SMIM31: variants seen among roughly 807,000 people sequenced by gnomAD.
SMIM31 encodes human epithelial cell program regulator.
chr4:164,794,152 G>A (rs1733144784), intron 2 of SMIM31, among the ~76,000 whole-genome samples: 1 of 152,218 alleles, frequency 6.6e-6, no homozygotes, highest in East Asian at 1.9e-4. Context: ...CAAGGCAGGT[G>A]GATCATTTGA....
intron 2 of SMIM31, among the ~76,000 whole-genome samples, chr4:164,792,464 T>C (rs1733114747): frequency 6.6e-6 from 1 of 152,158 alleles, no homozygotes; most frequent in Non-Finnish European, 1.5e-5. Context: ...TTAATTAAGG[T>C]TTTCTACATG....
rs866056138 is a variant in SMIM31 at position 164,762,680 on chromosome 4, A to G, written c.-25-7739A>G. 4.9e-3 allele frequency among the ~76,000 whole-genome samples: 721 copies of G among 148,502 alleles called. 5 individuals carry two copies. In the Middle Eastern group the frequency reaches 0.054, roughly 11 times the overall value. ...TCTGTCTCAAAAAAAAAAAAAAAAAAAAAGAAAAAGAAAAAGAAAAAGAAA... is the reference window on the plus strand; with the variant it reads ...TCTGTCTCAAAAAAAAAAAAAAAAAGAAAGAAAAAGAAAAAGAAAAAGAAA... On this transcript the variant is annotated intron_variant, in intron 1 of 2. Coordinates refer to ENST00000507311, the MANE Select transcript of SMIM31 (RefSeq NM_001352885.1).
intron 2 of SMIM31, among the ~76,000 whole-genome samples, chr4:164,779,004 A>C (rs1331482085): frequency 6.6e-6 from 1 of 152,166 alleles, no homozygotes; most frequent in Non-Finnish European, 1.5e-5. Flanking sequence ...GAAAAAAAAA[A>C]AAAACTCCAG....
intron 1 of SMIM31, among the ~76,000 whole-genome samples, chr4:164,764,585 A>T (rs1732695656): frequency 6.6e-6 from 1 of 151,906 alleles, no homozygotes; most frequent in African/African-American, 2.4e-5. Context: ...AAAAGAAAAA[A>T]ATAGAAAAAA....
rs969609142 is a variant in SMIM31 at position 164,801,312 on chromosome 4, T to G, written c.*118T>G. 1.0e-5 allele frequency: 4 copies of G among 395,154 alleles called. No individual in the cohort carries two copies. Among genetic ancestry groups the G allele is most frequent in the Non-Finnish European group, 1.8e-5 (4 of 224,384 alleles). The allele number at this position is 395,154 out of a possible 1,614,324, so 24.5% of individuals were successfully genotyped here. A position where few individuals can be genotyped will look rare whatever the true frequency, so the allele number is the denominator to read the frequency against. On this transcript the variant is annotated 3_prime_UTR_variant, in exon 3 of 3. Coordinates refer to ENST00000507311, the MANE Select transcript of SMIM31 (RefSeq NM_001352885.1). The stretch of plus-strand genomic sequence containing the variant: ...AAGAAAGTTAAAATCACTTACTGAT[T>G]AAACACGATGATAATAACCATTAAT...
intron 2 of SMIM31, among the ~76,000 whole-genome samples, chr4:164,783,232 A>AAAAAAAAAAAAAC (rs147369524): frequency 7.9e-6 from 1 of 127,226 alleles, no homozygotes; most frequent in Non-Finnish European, 1.6e-5. Context: ...AAAAAAAAAA[A>AAAAAAAAAAAAAC]GGAATTTCTG....
chr4:164,791,293 G>T (rs764027577), intron 2 of SMIM31, among the ~76,000 whole-genome samples: 2 of 152,120 alleles, frequency 1.3e-5, no homozygotes, highest in African/African-American at 4.8e-5. Context: ...AAGACATGAT[G>T]TATCACTGTT....
intron 2 of SMIM31, among the ~76,000 whole-genome samples, chr4:164,787,722 A>C (rs1351864923): frequency 6.6e-6 from 1 of 152,132 alleles, no homozygotes; most frequent in Non-Finnish European, 1.5e-5. Flanking sequence ...TTTGAAAAAA[A>C]TGTGTTTTAT....
At position 164,760,600 on chromosome 4, in the gene SMIM31, TGTG is replaced by T. The variant is rs1203092959; in HGVS notation, c.-26+6197_-26+6199del. Among the ~76,000 whole-genome samples the T allele has an allele frequency of 4.4e-4, 65 of 147,992 alleles. 1 individual carries two copies. Among genetic ancestry groups the T allele is most frequent in the African/African-American group, 1.6e-3 (63 of 40,324 alleles). On this transcript the variant is annotated intron_variant, in intron 1 of 2. Transcript: ENST00000507311. ...AAAAAAAATACAAACATGAGCCAGG[TGTG>T]GTGGTGGGCGCCTGTAATCCTAGCT...
At chr4:164,760,846 T>A (rs1732640039) in intron 1 of SMIM31, among the ~76,000 whole-genome samples, 1 of 151,682 alleles carries the variant, frequency 6.6e-6, no homozygotes, top group Non-Finnish European at 1.5e-5. Context: ...GAGGATTTTA[T>A]CCTGAACAAC....
intron 2 of SMIM31, among the ~76,000 whole-genome samples, chr4:164,792,915 A>T (rs1733122215): frequency 1.3e-5 from 2 of 152,184 alleles, no homozygotes; most frequent in East Asian, 3.8e-4. Flanking sequence ...TGGCATAAAA[A>T]CAGAAAAAAA....
chr4:164,773,674 A>G (rs1732842762), intron 2 of SMIM31, among the ~76,000 whole-genome samples: 1 of 152,146 alleles, frequency 6.6e-6, no homozygotes, highest in East Asian at 1.9e-4. Flanking sequence ...TCAAGATGAG[A>G]TTTGGGTGGA....
intron 2 of SMIM31, among the ~76,000 whole-genome samples, chr4:164,788,028 C>G (rs1012755875): frequency 5.3e-5 from 8 of 152,156 alleles, no homozygotes; most frequent in Admixed American, 2.6e-4. Flanking sequence ...AGATTCTCCC[C>G]ACCATCCTCA....
chr4:164,795,558 C>CAA (rs60083689), intron 2 of SMIM31, among the ~76,000 whole-genome samples: 5 of 77,004 alleles, frequency 6.5e-5, no homozygotes, highest in Non-Finnish European at 1.1e-4. Flanking sequence ...TACTCCATCT[C>CAA]AAAAAAAAAA....
chr4:164,766,082 G>A (rs1434884349), intron 1 of SMIM31, among the ~76,000 whole-genome samples: 1 of 152,170 alleles, frequency 6.6e-6, no homozygotes. Context: ...CAGCAGCCAT[G>A]AGACAGAAAA....
intron 2 of SMIM31, among the ~76,000 whole-genome samples, chr4:164,780,450 GCTT>G (rs982745412): frequency 5.3e-5 from 8 of 152,100 alleles, no homozygotes; most frequent in Admixed American, 1.3e-4. Flanking sequence ...AAAACGAATA[GCTT>G]CTTCTCTTTT....
At chr4:164,785,650 G>GTATA (rs978731858) in intron 2 of SMIM31, among the ~76,000 whole-genome samples, 1 of 97,514 alleles carries the variant, frequency 1.0e-5, no homozygotes, top group Non-Finnish European at 2.3e-5. Context: ...GTGTGTGTGT[G>GTATA]TATATATATA....
At chr4:164,786,600 G>T (rs1303436117) in intron 2 of SMIM31, among the ~76,000 whole-genome samples, 1 of 152,112 alleles carries the variant, frequency 6.6e-6, no homozygotes, top group African/African-American at 2.4e-5. Flanking sequence ...CCATTATTGA[G>T]TCAGAAACTA....
chr4:164,783,266 G>C lies in SMIM31; in HGVS notation c.112+12711G>C, dbSNP rs183819884. Among the ~76,000 whole-genome samples the C allele has an allele frequency of 7.8e-4, 116 of 148,108 alleles. 1 individual carries two copies. In the East Asian group the frequency reaches 0.014, roughly 18 times the overall value. ...TGGCCGGGTGCTGTGGCTCACACCT[G>C]TAATCCCAGCACTTTGGGAGGCTAA... On this transcript the variant is annotated intron_variant, in intron 2 of 2. Coordinates refer to ENST00000507311, the MANE Select transcript of SMIM31 (RefSeq NM_001352885.1).
Sources: allele counts gnomAD v4.1 joint callset (sites outside exome capture counted in the v4.1 genomes callset), GRCh38; gene constraint gnomAD v4.1.1; transcripts MANE v1.5; gene names NCBI Gene and HGNC (gene_info 2026-07-23, HGNC 2026-07-21).